The following RPS6KA6 variants were observed in gnomAD, a reference collection of about 807,000 sequenced individuals.
RPS6KA6 encodes the protein ribosomal protein S6 kinase A6.
In RPS6KA6, 27 loss-of-function variants were observed where a neutral mutation model predicts 65.4. The ratio of observed to expected loss-of-function variants is 0.41; its 90% CI spans 0.30 to 0.57. RPS6KA6 has a LOEUF of 0.57. Ranked by LOEUF, RPS6KA6 falls within the 20% of genes least tolerant of loss-of-function variation. The probability of loss-of-function intolerance (pLI) is 0.24; values close to 1 mark genes in which losing one functional copy is unlikely to be tolerated. For missense variants in RPS6KA6, 486 were observed against 555.6 expected, an observed-to-expected ratio of 0.87 and a Z score of 1.26; for synonymous variants, 190 against 184.2, an observed-to-expected ratio of 1.03 and a Z score of -0.26.
rs1390647554 is a variant in RPS6KA6, at chrX:84,058,710, TTAAC to T, written c.*5563_*5566del. 8.9e-6 allele frequency: 1 copy of T among 112,011 alleles called. No individual in the cohort carries two copies. Among genetic ancestry groups the T allele is most frequent in the African/African-American group, 3.2e-5 (1 of 30,851 alleles). The allele number at this position is 112,011 out of a possible 1,213,427, so 9.2% of individuals were successfully genotyped here. On this transcript the variant is annotated 3_prime_UTR_variant, in exon 22 of 22. Transcript: ENST00000262752. Reference sequence around the variant, plus strand: ...ATAGTTTTTGAACACTGGGGATTGTTTAACTGCAGCTTTGAAGTTTTTAAGTACA... The same window carrying T: ...ATAGTTTTTGAACACTGGGGATTGTTTGCAGCTTTGAAGTTTTTAAGTACA...
intron 20 of RPS6KA6, among the ~76,000 whole-genome samples, chrX:84,076,413 T>G (rs969437346): frequency 5.4e-5 from 6 of 111,707 alleles, no homozygotes; most frequent in African/African-American, 2.0e-4. Flanking sequence ...GTAAGGAAAA[T>G]TTTAGCAAAT....
chrX:84,072,044 G>T lies in RPS6KA6; in HGVS notation c.1972-6933C>A, dbSNP rs972483152. Among the ~76,000 whole-genome samples, 5 of 111,528 alleles carry T rather than the reference G, an allele frequency of 4.5e-5. No homozygotes were observed. The Admixed American group carries it at 4.8e-4, about 11-fold the overall frequency. ...TCAAACAATTCCAAAGGATTAAAGA[G>T]GATAGAATCCTGCCAAACTCATTGT... On this transcript the variant is annotated intron_variant, in intron 20 of 21. Transcript: ENST00000262752.
chrX:84,142,417 G>GGCCTCAAAT (rs2035122455), intron 6 of RPS6KA6, among the ~76,000 whole-genome samples: 1 of 110,586 alleles, frequency 9.0e-6, no homozygotes, highest in Non-Finnish European at 1.9e-5. Flanking sequence ...AGAAAAGAAA[G>GGCCTCAAAT]GCCTCAAATC....
intron 1 of RPS6KA6, among the ~76,000 whole-genome samples, chrX:84,175,406 C>T (rs930101833): frequency 9.9e-5 from 11 of 111,610 alleles, no homozygotes; most frequent in Non-Finnish European, 1.9e-4. Flanking sequence ...CCACTAACAA[C>T]TATTTACATG....
intron 20 of RPS6KA6, among the ~76,000 whole-genome samples, chrX:84,065,428 G>C (rs1023911607): frequency 5.4e-5 from 6 of 111,732 alleles, no homozygotes; most frequent in African/African-American, 2.0e-4. Flanking sequence ...TGTTCAGCAG[G>C]AGACAGGAGC....
chrX:84,129,814 A>G (rs1602438283), intron 8 of RPS6KA6, among the ~76,000 whole-genome samples: 1 of 111,363 alleles, frequency 9.0e-6, no homozygotes, highest in East Asian at 2.8e-4. Context: ...TCATGGAAAT[A>G]GAGTAGAAGG....
chrX:84,109,302 GC>G (rs1179711467), intron 12 of RPS6KA6, among the ~76,000 whole-genome samples: 5 of 111,575 alleles, frequency 4.5e-5, no homozygotes, highest in East Asian at 2.9e-4. Context: ...TGAGAGCCTA[GC>G]CCCCCATAGG....
At position 84,145,478 on chromosome X, in the gene RPS6KA6, C is replaced by T; in HGVS notation, c.501G>A (p.Glu167=). The change falls in exon 6 of 22, where the codon GAG becomes GAA. Residue 167 remains glutamate, a splice_region_variant and synonymous_variant. Coordinates refer to ENST00000262752, the MANE Select transcript of RPS6KA6 (RefSeq NM_014496.5). ...GGDVFTRLSK[E]VLFTEEDVKF... is the part of the protein sequence containing the mutation. ...ACAGTAAAAATGTACAGATACTTAC[C>T]TCTTTGGATAATCTTGTGAAAACAT... is the stretch of plus-strand genomic sequence containing the variant. 9.1e-7 allele frequency: 1 copy of T among 1,098,500 alleles called. No homozygotes were observed. Among genetic ancestry groups the T allele is most frequent in the East Asian group, 3.2e-5 (1 of 31,396 alleles). The allele number at this position is 1,098,500 out of a possible 1,213,427, so 90.5% of individuals were successfully genotyped here.
At chrX:84,165,233 G>C (rs1243102404) in intron 1 of RPS6KA6, among the ~76,000 whole-genome samples, 1 of 109,284 alleles carries the variant, frequency 9.2e-6, no homozygotes, top group Non-Finnish European at 1.9e-5. Context: ...AGACGAACTA[G>C]ATAAAAAGGA....
chrX:84,149,603 A>G (rs781645944), intron 3 of RPS6KA6, among the ~76,000 whole-genome samples: 2 of 111,706 alleles, frequency 1.8e-5, no homozygotes, highest in Non-Finnish European at 3.8e-5. Context: ...GAGTATTGCC[A>G]ATGAGCAGTA....
In RPS6KA6 at chrX:84,107,684, A is replaced by G. The variant is rs760328913; in HGVS notation, c.1050T>C (p.Ala350=). ...KREVQPPFKP[A]SGKPDDTFCF... is the part of the protein sequence containing the mutation. ...AAAAAGTATCATCTGGTTTTCCAGAAGCAGGTTTGAAAGGAGGTTGAACTT... is the reference window on the plus strand; with the variant it reads ...AAAAAGTATCATCTGGTTTTCCAGAGGCAGGTTTGAAAGGAGGTTGAACTT... The change falls in exon 13 of 22, where the codon GCT becomes GCC. Residue 350 remains alanine, a synonymous_variant. Transcript: ENST00000262752. 4 of 1,200,817 alleles carry G rather than the reference A, an allele frequency of 3.3e-6. No individual in the cohort carries two copies. Among genetic ancestry groups the G allele is most frequent in the African/African-American group, 3.5e-5 (2 of 57,249 alleles).
chrX:84,075,818 C>T (rs1223407291), intron 20 of RPS6KA6, among the ~76,000 whole-genome samples: 2 of 111,482 alleles, frequency 1.8e-5, no homozygotes, highest in Non-Finnish European at 3.8e-5. Context: ...TATTACACGT[C>T]ATAAAGAAGG....
At chrX:84,148,389 A>G (rs1276241738) in intron 3 of RPS6KA6, among the ~76,000 whole-genome samples, 4 of 110,991 alleles carry the variant, frequency 3.6e-5, no homozygotes, top group Middle Eastern at 4.2e-3. Context: ...TTAAAAAAAT[A>G]AATGAAAAAA....
chrX:84,069,827 C>A (rs2033493609), intron 20 of RPS6KA6, among the ~76,000 whole-genome samples: 1 of 112,404 alleles, frequency 8.9e-6, no homozygotes, highest in African/African-American at 3.2e-5. Context: ...CATCACTGCT[C>A]ATTAGAGAAA....
chrX:84,085,204 T>G (rs956118125), intron 20 of RPS6KA6, among the ~76,000 whole-genome samples: 1 of 111,578 alleles, frequency 9.0e-6, no homozygotes, highest in Non-Finnish European at 1.9e-5. Flanking sequence ...TCTTGCCTGA[T>G]TGCCCTGGCC....
chrX:84,086,687 T>C (rs1370767671), intron 20 of RPS6KA6, among the ~76,000 whole-genome samples: 5 of 111,340 alleles, frequency 4.5e-5, no homozygotes, highest in African/African-American at 1.6e-4. Flanking sequence ...GTCCTCTTGA[T>C]ACAAAAATCT....
intron 9 of RPS6KA6, among the ~76,000 whole-genome samples, chrX:84,118,111 G>A (rs974574568): frequency 3.6e-5 from 4 of 111,719 alleles, no homozygotes; most frequent in South Asian, 3.7e-4. Flanking sequence ...AAATCATTAC[G>A]GTACATTAAA....
At chrX:84,160,793 T>C (rs2035498704) in intron 2 of RPS6KA6, among the ~76,000 whole-genome samples, 1 of 111,206 alleles carries the variant, frequency 9.0e-6, no homozygotes, top group Non-Finnish European at 1.9e-5. Flanking sequence ...CCATGTCAAA[T>C]ATTAGTGTAC....
intron 18 of RPS6KA6, among the ~76,000 whole-genome samples, chrX:84,100,152 T>G (rs2147413289): frequency 9.0e-6 from 1 of 111,406 alleles, no homozygotes; most frequent in South Asian, 3.7e-4. Context: ...CACTCAAAAA[T>G]AAAACTTTCA....
Sources: gnomAD v4.1 joint callset for allele counts (sites outside exome capture counted in the v4.1 genomes callset) on GRCh38, gnomAD v4.1.1 for gene constraint, MANE v1.5 for transcripts, NCBI Gene and HGNC (gene_info 2026-07-23, HGNC 2026-07-21) for gene names.